Variants in DYNC2H1 observed in about 807,000 individuals in gnomAD.
The protein encoded by DYNC2H1 is dynein cytoplasmic 2 heavy chain 1, also known as cytoplasmic dynein 2 heavy chain 1.
A neutral mutation model predicts 570.0 loss-of-function variants in DYNC2H1; 410 were observed. The ratio of observed to expected loss-of-function variants is 0.72; its 90% CI spans 0.66 to 0.78. DYNC2H1 has a LOEUF of 0.78. Among genes scored for constraint, DYNC2H1 ranks in the 30% least tolerant of loss-of-function variants. DYNC2H1 has a pLI of 0.00. For synonymous variants in DYNC2H1, 1,688 were observed against 1,677.6 expected, an observed-to-expected ratio of 1.01 and a Z score of -0.15; for missense variants, 4,865 against 5,046.4, an observed-to-expected ratio of 0.96 and a Z score of 1.09.
intron 84 of DYNC2H1, among the ~76,000 whole-genome samples, chr11:103,433,628 C>G (rs1354752837): frequency 6.6e-6 from 1 of 152,118 alleles, no homozygotes; most frequent in African/African-American, 2.4e-5. Context: ...AGTCTGCCCT[C>G]TAGGCAGAAA....
intron 65 of DYNC2H1, among the ~76,000 whole-genome samples, chr11:103,248,841 T>C (rs1005617490): frequency 1.3e-5 from 2 of 151,914 alleles, no homozygotes; most frequent in Non-Finnish European, 2.9e-5. Flanking sequence ...TATCCATGTA[T>C]CCAAGCACCC....
rs1354994455 is a variant in DYNC2H1, at chr11:103,323,905, A to G, written c.11954A>G (p.Glu3985Gly). 3 of 1,612,562 alleles carry G rather than the reference A, an allele frequency of 1.9e-6. No individual in the cohort carries two copies. The Admixed American group carries it at 5.0e-5, about 27-fold the overall frequency. ...CSILDYRAVI[E>G]KIPEDDKPSF... ...ATTTAGGACTATCGTGCTGTCATTG[A>G]GAAAATTCCAGAGGACGACAAACCT... Residue 3985 changes from glutamate to glycine, a missense_variant, in exon 82 of 89, where the codon GAG becomes GGG. Physicochemically the swap from Glu to Gly is moderately conservative, Grantham distance 98. Coordinates refer to ENST00000375735, the MANE Select transcript of DYNC2H1 (RefSeq NM_001377.3).
intron 78 of DYNC2H1, among the ~76,000 whole-genome samples, chr11:103,309,168 A>ATTT (rs386374721): frequency 0.32 from 17,349 of 54,340 alleles, 5,326 homozygotes; most frequent in Non-Finnish European, 0.4. Context: ...ACTGCATGCT[A>ATTT]TTTTTTTTTT....
At chr11:103,287,415 A>C in intron 74 of DYNC2H1, 118 bp from the exon 75 acceptor site, 1 of 794,674 alleles carries the variant, frequency 1.3e-6, no homozygotes, top group Non-Finnish European at 2.0e-6. Context: ...ATATGGAACA[A>C]TGATAAGTGT....
chr11:103,141,602 A>G (rs1175122272), intron 17 of DYNC2H1, among the ~76,000 whole-genome samples: 1 of 152,162 alleles, frequency 6.6e-6, no homozygotes, highest in Non-Finnish European at 1.5e-5. Context: ...CTGAGGTGTC[A>G]GTCTGCCCCT....
In DYNC2H1 at chr11:103,133,049, T is replaced by C. The variant is rs1010403079; in HGVS notation, c.1954-506T>C. Among the ~76,000 whole-genome samples, 1 of 152,158 alleles carries C rather than the reference T, an allele frequency of 6.6e-6. No individual in the cohort carries two copies. Among genetic ancestry groups the C allele is most frequent in the African/African-American group, 2.4e-5 (1 of 41,446 alleles). On this transcript the variant is annotated intron_variant, in intron 13 of 88. Coordinates refer to ENST00000375735, the MANE Select transcript of DYNC2H1 (RefSeq NM_001377.3). The surrounding 1 kb of genome is among the most constrained non-coding windows in gnomAD (Gnocchi z 4.8). Reference sequence around the variant, plus strand: ...AGATCAGCTTTTTACTTAGTCCCACTGAAACATTAGAAAGGGGTGATTTTC... The same window carrying C: ...AGATCAGCTTTTTACTTAGTCCCACCGAAACATTAGAAAGGGGTGATTTTC...
At chr11:103,464,149 A>G (rs1289542688) in intron 87 of DYNC2H1, among the ~76,000 whole-genome samples, 3 of 152,370 alleles carry the variant, frequency 2.0e-5, no homozygotes, top group East Asian at 3.9e-4. Flanking sequence ...AAAAAAGTTA[A>G]CTATTTTAGT....
At chr11:103,118,258 A>G (rs1036226837) in intron 6 of DYNC2H1, among the ~76,000 whole-genome samples, 16 of 152,098 alleles carry the variant, frequency 1.1e-4, no homozygotes, top group African/African-American at 3.9e-4. Flanking sequence ...ACATATATTC[A>G]GCTTACAGGG....
In DYNC2H1 at chr11:103,369,328, A is replaced by G. The variant is rs1320441061; in HGVS notation, c.12156+10969A>G. Among the ~76,000 whole-genome samples, 1 of 152,176 alleles carries G rather than the reference A, an allele frequency of 6.6e-6. No individual in the cohort carries two copies. ...AGGAACCTGAGTTCTTGCAAGCCTC[A>G]CCAAAGCAGGCGGAAGTACTCTGGG... On this transcript the variant is annotated intron_variant, in intron 83 of 88. Transcript: ENST00000375735. This position sits in a 1 kb window ranked among gnomAD's most constrained non-coding sequence, Gnocchi z 4.0.
chr11:103,147,994 A>T (rs377317592), intron 19 of DYNC2H1, 107 bp downstream of exon 19: 4 of 760,058 alleles, frequency 5.3e-6, no homozygotes, highest in African/African-American at 3.6e-5. Flanking sequence ...ACCAAAACTG[A>T]ACTAATTTAA....
intron 50 of DYNC2H1, 57 bp downstream of exon 50, chr11:103,200,211 A>G: frequency 1.5e-6 from 2 of 1,295,814 alleles, no homozygotes; most frequent in East Asian, 5.3e-5. Flanking sequence ...AAATTATCCA[A>G]GTAAAATTAT....
chr11:103,397,582 G>A (rs1303024134), intron 83 of DYNC2H1, among the ~76,000 whole-genome samples: 1 of 152,064 alleles, frequency 6.6e-6, no homozygotes, highest in Non-Finnish European at 1.5e-5. Flanking sequence ...GATATTGTGG[G>A]GATTGCTAAA....
At chr11:103,458,869 G>GT (rs1245796880) in intron 87 of DYNC2H1, among the ~76,000 whole-genome samples, 1 of 151,664 alleles carries the variant, frequency 6.6e-6, no homozygotes, top group Non-Finnish European at 1.5e-5. Flanking sequence ...TTTTTTTCCA[G>GT]TTAAAAACTT....
rs181865044 is a variant in DYNC2H1, at chr11:103,406,337, G to A, written c.12366+6465G>A. 2.6e-3 allele frequency: 399 copies of A among 152,026 alleles called. 4 individuals carry two copies. The highest frequency in any genetic ancestry group is 8.8e-3 in the African/African-American group (367 of 41,506). The allele number at this position is 152,026 out of a possible 1,614,324, so 9.4% of individuals were successfully genotyped here. On this transcript the variant is annotated intron_variant, in intron 84 of 88. Transcript: ENST00000375735. ...ATTTTATTTTCATATTATTAGATGT[G>A]GGGAATATTGTTACTGAGATAGAAT...
rs964612145 is a variant in DYNC2H1, at chr11:103,300,850, A to G, written c.11096-2243A>G. 2.0e-5 allele frequency among the ~76,000 whole-genome samples: 3 copies of G among 151,892 alleles called. No individual in the cohort carries two copies. In the East Asian group the frequency reaches 5.8e-4, roughly 29 times the overall value. ...GTAATCTGCATTTTAGCTTTTTTAG[A>G]CAGTTTTTGTACTGGCATGTATTTT... On this transcript the variant is annotated intron_variant, in intron 75 of 88. Transcript: ENST00000375735.
intron 84 of DYNC2H1, among the ~76,000 whole-genome samples, chr11:103,432,553 AC>A (rs1943929895): frequency 2.0e-5 from 3 of 152,126 alleles, no homozygotes; most frequent in Admixed American, 2.0e-4. Flanking sequence ...CCACTGATTT[AC>A]GACCCATTGT....
At chr11:103,364,208 T>C (rs1453116158) in intron 83 of DYNC2H1, among the ~76,000 whole-genome samples, 1 of 152,200 alleles carries the variant, frequency 6.6e-6, no homozygotes, top group African/African-American at 2.4e-5. Context: ...TTAACTTCAG[T>C]AGATTCTAAG....
chr11:103,126,088 T>C (rs1239256114), intron 12 of DYNC2H1, among the ~76,000 whole-genome samples: 1 of 152,244 alleles, frequency 6.6e-6, no homozygotes, highest in African/African-American at 2.4e-5. Context: ...ATATTTTAGA[T>C]GGCAGGAACA....
At chr11:103,146,677 A>G (rs1322789025) in intron 18 of DYNC2H1, among the ~76,000 whole-genome samples, 1 of 150,592 alleles carries the variant, frequency 6.6e-6, no homozygotes, top group African/African-American at 2.4e-5. Flanking sequence ...ATCTCGGCTT[A>G]CTGCAACCCC....
Sources: gnomAD v4.1 joint callset for allele counts (sites outside exome capture counted in the v4.1 genomes callset) on GRCh38, gnomAD v4.1.1 for gene constraint, Gnocchi (gnomAD v3.1) non-coding constraint, MANE v1.5 for transcripts, NCBI Gene and HGNC (gene_info 2026-07-23, HGNC 2026-07-21) for gene names.